The following SP4 variants were observed in gnomAD, a reference collection of about 807,000 sequenced individuals.
SP4 encodes the protein transcription factor Sp4.
In SP4, 19 loss-of-function variants were observed where a neutral mutation model predicts 72.8. That is an observed-to-expected ratio of 0.26 (90% CI 0.18 to 0.38). The LOEUF (loss-of-function observed/expected upper bound fraction) is 0.38, where lower values mean the gene tolerates loss of function less well. SP4 is among the 10% of genes least tolerant of loss of function. SP4 has a pLI of 1.00. For synonymous variants in SP4, 395 were observed against 333.1 expected (o/e 1.19, Z -2.02); for missense variants, 1,008 against 926.3 (o/e 1.09, Z -1.14).
intron 3 of SP4, among the ~76,000 whole-genome samples, chr7:21,454,575 C>G (rs1456632977): frequency 2.0e-5 from 3 of 152,112 alleles, no homozygotes; most frequent in Non-Finnish European, 4.4e-5. Context: ...CATTTTCCTT[C>G]TATTAGGAAG....
intron 3 of SP4, among the ~76,000 whole-genome samples, chr7:21,464,122 CTTTTTTTTTT>C (rs995083942): frequency 3.1e-5 from 4 of 127,332 alleles, no homozygotes; most frequent in South Asian, 2.5e-4. Context: ...AGGGCGCTCT[CTTTTTTTTTT>C]TTTTTTTTTT....
intron 3 of SP4, among the ~76,000 whole-genome samples, chr7:21,465,374 C>A (rs1784133483): frequency 6.6e-6 from 1 of 152,104 alleles, no homozygotes; most frequent in South Asian, 2.1e-4. Flanking sequence ...TATAGCCAAC[C>A]AGAAAAGAGT....
At chr7:21,487,376 G>T (rs1784846310) in intron 5 of SP4, among the ~76,000 whole-genome samples, 1 of 147,276 alleles carries the variant, frequency 6.8e-6, no homozygotes, top group African/African-American at 2.5e-5. Context: ...CTGTCTCTCT[G>T]GGCTCTTAGT....
chr7:21,479,293 T>C (rs1562615483), intron 4 of SP4, among the ~76,000 whole-genome samples: 1 of 151,946 alleles, frequency 6.6e-6, no homozygotes, highest in African/African-American at 2.4e-5. Flanking sequence ...ATTTTATAGT[T>C]TTTACTCTTA....
rs3735440 is a variant in SP4 at position 21,511,452 on chromosome 7, G to A, written c.*183G>A. 0.72 allele frequency: 419,709 copies of A among 583,430 alleles called. 153,193 individuals are homozygous for A. Among genetic ancestry groups the A allele is most frequent in the East Asian group, 0.91 (32,194 of 35,360 alleles). The allele number at this position is 583,430 out of a possible 1,614,324, so 36.1% of individuals were successfully genotyped here. Reference sequence around the variant, plus strand: ...TGAATTTTAAAAAATACAAAAAGCAGACTGATGTACTGGAAACAGAAAAGT... The same window carrying A: ...TGAATTTTAAAAAATACAAAAAGCAAACTGATGTACTGGAAACAGAAAAGT... On this transcript the variant is annotated 3_prime_UTR_variant, in exon 6 of 6. Coordinates refer to ENST00000222584, the MANE Select transcript of SP4 (RefSeq NM_003112.5).
At chr7:21,503,421 T>C (rs1018116323) in intron 5 of SP4, among the ~76,000 whole-genome samples, 2 of 152,210 alleles carry the variant, frequency 1.3e-5, no homozygotes, top group African/African-American at 4.8e-5. Context: ...TTTTTAAGAT[T>C]AGTTTGGTGA....
chr7:21,458,449 G>T (rs922822428), intron 3 of SP4, among the ~76,000 whole-genome samples: 1 of 152,128 alleles, frequency 6.6e-6, no homozygotes, highest in African/African-American at 2.4e-5. Flanking sequence ...CTCCCAAAGT[G>T]CTGGGAGTAC....
rs1284179930 is a variant in SP4 at position 21,511,474 on chromosome 7, A to G, written c.*205A>G. On this transcript the variant is annotated 3_prime_UTR_variant, in exon 6 of 6. Coordinates refer to ENST00000222584, the MANE Select transcript of SP4 (RefSeq NM_003112.5). The stretch of plus-strand genomic sequence containing the variant: ...GCAGACTGATGTACTGGAAACAGAA[A>G]AGTATTTCCTCCATACTATAAGTTG... 3 of 545,016 alleles carry G rather than the reference A, an allele frequency of 5.5e-6. No homozygotes were observed. The East Asian group carries it at 9.0e-5, about 16-fold the overall frequency. 33.8% of individuals were successfully genotyped at this position (545,016 alleles called of 1,614,324 possible).
intron 3 of SP4, 94 bp downstream of exon 3, chr7:21,430,937 T>A: frequency 1.2e-6 from 1 of 866,648 alleles, no homozygotes; most frequent in Non-Finnish European, 1.8e-6. Context: ...CGTAGACCTC[T>A]GAAGTAAACA....
chr7:21,481,899 A>G, intron 4 of SP4, 25 bp from the exon 5 acceptor site: 2 of 1,539,096 alleles, frequency 1.3e-6, no homozygotes, highest in Non-Finnish European at 1.8e-6. Context: ...CAGTGTAATT[A>G]ATGTTCGGTT....
chr7:21,482,941 G>A (rs907476859), intron 5 of SP4: 1 of 173,054 alleles, frequency 5.8e-6, no homozygotes, highest in African/African-American at 2.4e-5. Context: ...TAGGGTTTGT[G>A]TGTGCTATCA....
At position 21,482,080 on chromosome 7, in the gene SP4, C is replaced by T; in HGVS notation, c.2064C>T (p.Phe688=). The T allele has an allele frequency of 6.2e-7, 1 of 1,614,052 alleles. No individual in the cohort carries two copies. Among genetic ancestry groups the T allele is most frequent in the South Asian group, 1.1e-5 (1 of 91,074 alleles). The part of the protein sequence containing the change: ...ICNWMFCGKR[F]TRSDELQRHR... ...ACTGGATGTTTTGTGGCAAAAGATT[C>T]ACACGGAGTGATGAGCTCCAGAGAC... The change falls in exon 5 of 6, where the codon TTC becomes TTT. Residue 688 remains phenylalanine, a synonymous_variant. Coordinates refer to ENST00000222584, the MANE Select transcript of SP4 (RefSeq NM_003112.5).
At position 21,497,068 on chromosome 7, in the gene SP4, AATT is replaced by A. The variant is rs1254113883; in HGVS notation, c.2108-13948_2108-13946del. Among the ~76,000 whole-genome samples the A allele has an allele frequency of 1.1e-4, 17 of 152,298 alleles. 1 individual carries two copies. In the South Asian group the frequency reaches 2.5e-3, roughly 22 times the overall value. On this transcript the variant is annotated intron_variant, in intron 5 of 5. Transcript: ENST00000222584. ...TTTTGGTTAGTCTATTGTTTGTCCC[AATT>A]ATTATCCCCTGTCTTGGGCATCCAT...
chr7:21,499,305 A>C (rs922282056), intron 5 of SP4, among the ~76,000 whole-genome samples: 1 of 152,220 alleles, frequency 6.6e-6, no homozygotes, highest in Admixed American at 6.5e-5. Context: ...AGATATGTTT[A>C]AATCCTAATC....
At chr7:21,449,543 A>G (rs925250945) in intron 3 of SP4, among the ~76,000 whole-genome samples, 12 of 152,228 alleles carry the variant, frequency 7.9e-5, no homozygotes, top group African/African-American at 2.2e-4. Flanking sequence ...ATGCGTGTAT[A>G]GGTAAATATG....
At chr7:21,456,999 C>T (rs1026160859) in intron 3 of SP4, among the ~76,000 whole-genome samples, 6 of 148,062 alleles carry the variant, frequency 4.1e-5, no homozygotes, top group Non-Finnish European at 7.5e-5. Flanking sequence ...GGAAAACTTC[C>T]TACAGGGGTT....
intron 5 of SP4, among the ~76,000 whole-genome samples, chr7:21,509,487 T>G (rs544983334): frequency 3.9e-5 from 6 of 152,230 alleles, no homozygotes; most frequent in Admixed American, 2.0e-4. Context: ...TTTTAATACT[T>G]GGTTTTAAAT....
In SP4 at chr7:21,514,429, A is replaced by G. The variant is rs1463335079; in HGVS notation, c.*3160A>G. The G allele has an allele frequency of 6.6e-6, 1 of 152,344 alleles. No individual in the cohort carries two copies. Among genetic ancestry groups the G allele is most frequent in the African/African-American group, 2.4e-5 (1 of 41,354 alleles). The allele number at this position is 152,344 out of a possible 1,614,324, so 9.4% of individuals were successfully genotyped here. On this transcript the variant is annotated 3_prime_UTR_variant, in exon 6 of 6. Coordinates refer to ENST00000222584, the MANE Select transcript of SP4 (RefSeq NM_003112.5). Reference sequence around the variant, plus strand: ...GCAGCATAGGGTATTAAATCTACATAATGATTTTAAAACAGAAATAGTTGA... The same window carrying G: ...GCAGCATAGGGTATTAAATCTACATGATGATTTTAAAACAGAAATAGTTGA...
Position 21,513,766 on chromosome 7 carries a change from TA to T in SP4, c.*2498del, listed in dbSNP as rs1272427666. 1.3e-5 allele frequency: 2 copies of T among 152,342 alleles called. No homozygotes were observed. The highest frequency in any genetic ancestry group is 3.9e-4 in the East Asian group (2 of 5,194). 9.4% of individuals were successfully genotyped at this position (152,342 alleles called of 1,614,324 possible). ...TTTTTTAATCAACAATGAGGCCTATTATAAATTTATCAGATGAATCTAGATA... is the reference window on the plus strand; with the variant it reads ...TTTTTTAATCAACAATGAGGCCTATTTAAATTTATCAGATGAATCTAGATA... On this transcript the variant is annotated 3_prime_UTR_variant, in exon 6 of 6. Transcript: ENST00000222584.
Sources: allele counts gnomAD v4.1 joint callset (sites outside exome capture counted in the v4.1 genomes callset), GRCh38; gene constraint gnomAD v4.1.1; transcripts MANE v1.5; gene names NCBI Gene and HGNC (gene_info 2026-07-23, HGNC 2026-07-21).